CHST8: variants seen among roughly 807,000 people sequenced by gnomAD.
CHST8 encodes GALNAC-4-ST1.
Under a neutral mutation model 15.0 loss-of-function variants are expected in CHST8, and 10 were observed. The ratio of observed to expected loss-of-function variants is 0.67; its 90% confidence interval spans 0.41 to 1.13. The LOEUF is 1.13. Ranked by LOEUF, CHST8 falls within the 50% of genes most tolerant of loss-of-function variation. The pLI is 0.00. For missense variants in CHST8, 634 were observed against 608.2 expected, an observed-to-expected ratio of 1.04 and a Z score of -0.45; for synonymous variants, 259 against 256.6, an observed-to-expected ratio of 1.01 and a Z score of -0.09.
chr19:33,678,760 A>G (rs1253451837), intron 2 of CHST8, among the ~76,000 whole-genome samples: 1 of 152,108 alleles, frequency 6.6e-6, no homozygotes, highest in Non-Finnish European at 1.5e-5. Context: ...AAATAAAAAA[A>G]GATATTGGAG....
chr19:33,748,955 G>T (rs1974362952), intron 3 of CHST8, among the ~76,000 whole-genome samples: 1 of 152,160 alleles, frequency 6.6e-6, no homozygotes, highest in Non-Finnish European at 1.5e-5. Context: ...AGTGAGGCTG[G>T]GAAGCTCCCA....
intron 1 of CHST8, among the ~76,000 whole-genome samples, chr19:33,632,582 A>ACAATGCAGTGAATGTC (rs1701851139): frequency 6.6e-6 from 1 of 152,184 alleles, no homozygotes; most frequent in African/African-American, 2.4e-5. Context: ...TCCTACGTAT[A>ACAATGCAGTGAATGTC]CAATGCAGTG....
Position 33,772,181 on chromosome 19 carries a change from C to T in CHST8, c.393C>T (p.Asp131=), listed in dbSNP as rs578140893. 64 of 1,597,700 alleles carry T rather than the reference C, an allele frequency of 4.0e-5. 2 individuals are homozygous for T. In the South Asian group the frequency reaches 6.7e-4, roughly 17 times the overall value. ...CGACCATCCCGGCCAACAGCTCGGA[C>T]GCGCCCTTCATCCGGCCGGGACCCG... is the stretch of plus-strand genomic sequence containing the variant. ...AAATIPANSS[D]APFIRPGPGT... Residue 131 remains aspartate (D), a synonymous_variant, in exon 5 of 5, where the codon GAC becomes GAT. Coordinates refer to ENST00000650847, the MANE Select transcript of CHST8 (RefSeq NM_001127895.2).
chr19:33,731,626 C>T (rs1055560410), intron 3 of CHST8, among the ~76,000 whole-genome samples: 2 of 152,190 alleles, frequency 1.3e-5, no homozygotes, highest in African/African-American at 4.8e-5. Context: ...GAATGCCTAA[C>T]CTCCTGGGAA....
At chr19:33,648,340 A>T (rs1254227128) in intron 1 of CHST8, among the ~76,000 whole-genome samples, 2 of 151,600 alleles carry the variant, frequency 1.3e-5, no homozygotes, top group African/African-American at 4.8e-5. Flanking sequence ...CAATTCCACA[A>T]CATTTTCATC....
chr19:33,673,031 T>G (rs1245646068), intron 2 of CHST8, among the ~76,000 whole-genome samples: 1 of 152,132 alleles, frequency 6.6e-6, no homozygotes, highest in Non-Finnish European at 1.5e-5. Context: ...CTTCCTGGGT[T>G]TGCAATCACC....
intron 3 of CHST8, among the ~76,000 whole-genome samples, chr19:33,693,032 G>T (rs1423394772): frequency 1.4e-5 from 2 of 146,178 alleles, no homozygotes; most frequent in African/African-American, 2.5e-5. Context: ...TTGAGATGGA[G>T]TTTCGTTCTT....
At chr19:33,690,914 G>A (rs553083121) in intron 3 of CHST8, among the ~76,000 whole-genome samples, 2 of 152,356 alleles carry the variant, frequency 1.3e-5, no homozygotes, top group South Asian at 2.1e-4. Flanking sequence ...CTGACTGGGT[G>A]TGTCCTTGGT....
rs376202038 is a variant in CHST8, at chr19:33,772,408, G to A, written c.620G>A (p.Arg207Gln). Reference protein sequence around the residue: ...VPKAGCSNWKRVLMVLAGLAS... With the variant: ...VPKAGCSNWKQVLMVLAGLAS... The stretch of plus-strand genomic sequence containing the variant: ...AAGGCCGGCTGCTCCAATTGGAAGC[G>A]GGTGCTCATGGTGCTGGCCGGCCTG... The change falls in exon 5 of 5, where the codon CGG (arginine) becomes CAG (glutamine). Residue 207 changes from arginine to glutamine, a missense_variant. Coordinates refer to ENST00000650847, the MANE Select transcript of CHST8 (RefSeq NM_001127895.2). 8.4e-5 allele frequency: 135 copies of A among 1,609,996 alleles called. No individual in the cohort carries two copies. The highest frequency in any genetic ancestry group is 1.1e-4 in the Non-Finnish European group (133 of 1,179,708).
chr19:33,754,229 C>T (rs1267710732), intron 3 of CHST8, among the ~76,000 whole-genome samples: 1 of 149,782 alleles, frequency 6.7e-6, no homozygotes, highest in African/African-American at 2.5e-5. Context: ...ACCCCCTCCT[C>T]ACTCACACTT....
intron 3 of CHST8, among the ~76,000 whole-genome samples, chr19:33,761,501 G>C (rs573351017): frequency 6.6e-6 from 1 of 152,004 alleles, no homozygotes; most frequent in African/African-American, 2.4e-5. Context: ...GCCAATTTTT[G>C]TATTTACTTA....
At chr19:33,699,676 G>C (rs1599564202) in intron 3 of CHST8, among the ~76,000 whole-genome samples, 1 of 152,112 alleles carries the variant, frequency 6.6e-6, no homozygotes, top group Admixed American at 6.5e-5. Flanking sequence ...CTGATGCCGG[G>C]GCTCTTGTTT....
intron 2 of CHST8, among the ~76,000 whole-genome samples, chr19:33,684,356 TGGG>T (rs1972938416): frequency 1.3e-5 from 2 of 152,182 alleles, no homozygotes; most frequent in South Asian, 4.1e-4. Flanking sequence ...GGCAGGGGCC[TGGG>T]TGTGCCAAGG....
intron 3 of CHST8, among the ~76,000 whole-genome samples, chr19:33,764,891 C>T (rs1974802440): frequency 6.6e-6 from 1 of 151,910 alleles, no homozygotes; most frequent in South Asian, 2.1e-4. Context: ...CATTCTTATG[C>T]CTTCGCATCC....
chr19:33,664,232 G>A (rs1369399442), intron 1 of CHST8, among the ~76,000 whole-genome samples: 1 of 151,448 alleles, frequency 6.6e-6, no homozygotes, highest in Non-Finnish European at 1.5e-5. Flanking sequence ...TTTAGAACTG[G>A]GAATCTATAT....
At chr19:33,702,280 C>G (rs1380028599) in intron 3 of CHST8, among the ~76,000 whole-genome samples, 1 of 152,110 alleles carries the variant, frequency 6.6e-6, no homozygotes, top group Non-Finnish European at 1.5e-5. Context: ...GCCACCACAC[C>G]CGGCCTATGT....
At chr19:33,671,651 T>G (rs1972740706) in intron 2 of CHST8, among the ~76,000 whole-genome samples, 1 of 152,096 alleles carries the variant, frequency 6.6e-6, no homozygotes, top group African/African-American at 2.4e-5. Context: ...ACATGTTGCC[T>G]TCTCAGTCAG....
At chr19:33,718,585 C>A (rs1323744064) in intron 3 of CHST8, among the ~76,000 whole-genome samples, 1 of 152,244 alleles carries the variant, frequency 6.6e-6, no homozygotes. Flanking sequence ...ATGTTGCAAT[C>A]TGGCATCTGC....
In CHST8 at chr19:33,623,875, A is replaced by G. The variant is rs114135417; in HGVS notation, c.-164+1579A>G. 4.1e-3 allele frequency among the ~76,000 whole-genome samples: 625 copies of G among 152,298 alleles called. 10 individuals are homozygous for G. The highest frequency in any genetic ancestry group is 0.014 in the African/African-American group (565 of 41,560). ...GGGAGTTCATTCAGGAGCGTTCAGC[A>G]GACTGGCCTCTGTGAAGTGACCCAC... On this transcript the variant is annotated intron_variant, in intron 1 of 4. Transcript: ENST00000650847.
Sources: gnomAD v4.1 joint callset for allele counts (sites outside exome capture counted in the v4.1 genomes callset) on GRCh38, gnomAD v4.1.1 for gene constraint, MANE v1.5 for transcripts, NCBI Gene and HGNC (gene_info 2026-07-23, HGNC 2026-07-21) for gene names.